STPG2: variants seen among roughly 807,000 people sequenced by gnomAD.
STPG2 encodes the protein sperm-tail PG-rich repeat-containing protein 2.
Under a neutral mutation model 54.2 loss-of-function variants are expected in STPG2, and 56 were observed. The ratio of observed to expected loss-of-function variants is 1.03; its 90% CI spans 0.83 to 1.29. The LOEUF is 1.29. Ranked by LOEUF, STPG2 falls within the 50% of genes most tolerant of loss-of-function variation. The pLI, the probability that STPG2 is intolerant of heterozygous loss-of-function variation, is 0.00. For missense variants in STPG2, 596 were observed against 544.9 expected, an observed-to-expected ratio of 1.09 and a Z score of -0.93; for synonymous variants, 200 against 181.8, an observed-to-expected ratio of 1.10 and a Z score of -0.81.
intron 7 of STPG2, among the ~76,000 whole-genome samples, chr4:97,948,722 G>C (rs931708492): frequency 3.9e-5 from 6 of 152,066 alleles, no homozygotes; most frequent in African/African-American, 7.2e-5. Flanking sequence ...GTATAGTTTT[G>C]AGGGTTTCTT....
At chr4:97,785,558 A>G (rs1229296954) in intron 9 of STPG2, among the ~76,000 whole-genome samples, 1 of 152,116 alleles carries the variant, frequency 6.6e-6, no homozygotes, top group Non-Finnish European at 1.5e-5. Flanking sequence ...AGGAGATTGG[A>G]TCTCTTTAAA....
At chr4:97,712,944 T>C in intron 9 of STPG2, 130 bp from the exon 10 acceptor site, 3 of 520,736 alleles carry the variant, frequency 5.8e-6, no homozygotes, top group Non-Finnish European at 9.8e-6. Context: ...CCATTGTTTT[T>C]GAATGCTTAA....
chr4:97,641,576 T>A (rs970099973), intron 10 of STPG2, among the ~76,000 whole-genome samples: 6 of 151,500 alleles, frequency 4.0e-5, no homozygotes, highest in Admixed American at 1.3e-4. Flanking sequence ...TTGAATTCAT[T>A]ATAACTTTTA....
chr4:97,657,962 T>A (rs1316494957), intron 10 of STPG2, among the ~76,000 whole-genome samples: 1 of 152,202 alleles, frequency 6.6e-6, no homozygotes, highest in Non-Finnish European at 1.5e-5. Flanking sequence ...TCAAAACTGC[T>A]CCTTCTTCAG....
At chr4:98,129,675 T>C (rs1739929978) in intron 2 of STPG2, among the ~76,000 whole-genome samples, 1 of 152,158 alleles carries the variant, frequency 6.6e-6, no homozygotes, top group Non-Finnish European at 1.5e-5. Flanking sequence ...ATATTACAAA[T>C]ATTAATATAA....
At chr4:97,838,693 G>A (rs1728705533) in intron 9 of STPG2, among the ~76,000 whole-genome samples, 1 of 151,256 alleles carries the variant, frequency 6.6e-6, no homozygotes, top group African/African-American at 2.4e-5. Context: ...AATTGGCCCT[G>A]GGCACCTACT....
chr4:97,831,188 G>A (rs993249604), intron 9 of STPG2, among the ~76,000 whole-genome samples: 1 of 152,286 alleles, frequency 6.6e-6, no homozygotes, highest in Non-Finnish European at 1.5e-5. Flanking sequence ...AGACCACAGT[G>A]CAATCAAACT....
At chr4:97,490,169 G>A (rs1730472861) in intron 4 of STPG2, 1 of 151,328 alleles carries the variant, frequency 6.6e-6, no homozygotes, top group African/African-American at 2.4e-5. Flanking sequence ...CATTGGTTAT[G>A]GATACATAAA....
At chr4:98,062,124 G>A (rs1271862091) in intron 5 of STPG2, among the ~76,000 whole-genome samples, 2 of 152,142 alleles carry the variant, frequency 1.3e-5, no homozygotes, top group Admixed American at 6.6e-5. Context: ...CCATAAAAAA[G>A]AACAAGATCA....
chr4:97,981,112 T>C, intron 6 of STPG2, 47 bp downstream of exon 6: 7 of 1,578,090 alleles, frequency 4.4e-6, no homozygotes, highest in Non-Finnish European at 6.0e-6. Context: ...GAACATTAAG[T>C]TTCTTTATAA....
At chr4:97,537,161 C>T (rs111768911) in intron 4 of STPG2, among the ~76,000 whole-genome samples, 9,425 of 152,110 alleles carry the variant, frequency 0.062, 383 homozygotes, top group South Asian at 0.099. Context: ...ACTGAGGTAC[C>T]GTGTTCATCT....
At chr4:97,888,168 A>C (rs903169391) in intron 8 of STPG2, among the ~76,000 whole-genome samples, 2 of 152,162 alleles carry the variant, frequency 1.3e-5, no homozygotes, top group African/African-American at 2.4e-5. Flanking sequence ...AGAGGGAAAA[A>C]GTGGGGTTGG....
At chr4:97,535,492 T>G (rs1206891833) in intron 4 of STPG2, among the ~76,000 whole-genome samples, 1 of 152,196 alleles carries the variant, frequency 6.6e-6, no homozygotes, top group Non-Finnish European at 1.5e-5. Context: ...TTATTTCATT[T>G]CCATTTTTGA....
chr4:97,686,000 AT>A (rs1723178173), intron 10 of STPG2, among the ~76,000 whole-genome samples: 1 of 152,224 alleles, frequency 6.6e-6, no homozygotes. Flanking sequence ...TATGATTTGT[AT>A]AATTGAATTG....
At chr4:97,620,781 T>C (rs1313287754) in intron 10 of STPG2, among the ~76,000 whole-genome samples, 10 of 152,002 alleles carry the variant, frequency 6.6e-5, no homozygotes, top group South Asian at 2.1e-4. Flanking sequence ...AACTCAACGA[T>C]AGACATAATT....
intron 7 of STPG2, among the ~76,000 whole-genome samples, chr4:97,969,394 C>T (rs1734238222): frequency 6.6e-6 from 1 of 152,134 alleles, no homozygotes; most frequent in African/African-American, 2.4e-5. Flanking sequence ...AATCAAATGA[C>T]CGTAAATCTC....
chr4:97,993,133 G>C (rs1735074351), intron 5 of STPG2, among the ~76,000 whole-genome samples: 1 of 152,176 alleles, frequency 6.6e-6, no homozygotes, highest in African/African-American at 2.4e-5. Context: ...GAGTAGAAGT[G>C]ATGAAAGTGG....
At chr4:97,580,841 A>G (rs115083615) in intron 10 of STPG2, among the ~76,000 whole-genome samples, 4,091 of 152,152 alleles carry the variant, frequency 0.027, 85 homozygotes, top group Non-Finnish European at 0.034. Context: ...AAATATAATT[A>G]AATTTTCATG....
chr4:97,684,812 C>T (rs1000530484), intron 10 of STPG2, among the ~76,000 whole-genome samples: 4 of 151,496 alleles, frequency 2.6e-5, no homozygotes, highest in Non-Finnish European at 5.9e-5. Flanking sequence ...AAGAGACAAG[C>T]CAAAAATTGG....
Sources: allele counts gnomAD v4.1 joint callset (sites outside exome capture counted in the v4.1 genomes callset), GRCh38; gene constraint gnomAD v4.1.1; transcripts MANE v1.5; gene names NCBI Gene and HGNC (gene_info 2026-07-23, HGNC 2026-07-21).